The following DUSP16 variants were observed in gnomAD, a reference collection of about 807,000 sequenced individuals.
The protein encoded by DUSP16 is dual specificity protein phosphatase 16.
Under a neutral mutation model 58.3 loss-of-function variants are expected in DUSP16, and 21 were observed. The ratio of observed to expected loss-of-function variants is 0.36; its 90% CI spans 0.26 to 0.52. The LOEUF (loss-of-function observed/expected upper bound fraction) is 0.52, where lower values mean the gene tolerates loss of function less well. DUSP16 is among the 20% of genes least tolerant of loss of function. The probability of loss-of-function intolerance (pLI) is 0.94; values close to 1 mark genes in which losing one functional copy is unlikely to be tolerated. For missense variants in DUSP16, 726 were observed against 819.0 expected, an observed-to-expected ratio of 0.89 and a Z score of 1.39; for synonymous variants, 320 against 323.8, an observed-to-expected ratio of 0.99 and a Z score of 0.12.
chr12:12,481,780 C>T (rs746496792), intron 5 of DUSP16, among the ~76,000 whole-genome samples: 6 of 152,152 alleles, frequency 3.9e-5, no homozygotes, highest in Admixed American at 6.5e-5. Context: ...CATATAAACT[C>T]GTGTACACAG....
Position 12,519,932 on chromosome 12 carries a change from A to T in DUSP16, c.297T>A (p.Ser99=), listed in dbSNP as rs376258770. 1 of 1,613,922 alleles carries T rather than the reference A, an allele frequency of 6.2e-7. No homozygotes were observed. Among genetic ancestry groups the T allele is most frequent in the African/African-American group, 1.3e-5 (1 of 74,934 alleles). The part of the protein sequence containing the change: ...DQSSQDVASL[S]SDCFLTVLLG... ...GAAGTACAGTGAGAAAACAGTCTGAAGAGAGAGAGGCAACATCTTGGGAGC... is the reference window on the plus strand; with the variant it reads ...GAAGTACAGTGAGAAAACAGTCTGATGAGAGAGAGGCAACATCTTGGGAGC... The change falls in exon 3 of 7, where the codon TCT becomes TCA. Residue 99 remains serine, a synonymous_variant. Coordinates refer to ENST00000298573, the MANE Select transcript of DUSP16 (RefSeq NM_030640.3).
At chr12:12,523,250 G>A (rs142020202) in intron 1 of DUSP16, among the ~76,000 whole-genome samples, 2 of 152,072 alleles carry the variant, frequency 1.3e-5, no homozygotes, top group African/African-American at 2.4e-5. Context: ...TTTGGTCTGA[G>A]AACAAAATTA....
chr12:12,498,429 T>TATTTA (rs202108077), intron 4 of DUSP16, among the ~76,000 whole-genome samples: 1 of 151,242 alleles, frequency 6.6e-6, no homozygotes. Flanking sequence ...TTTATTTATT[T>TATTTA]TTTGAGATAG....
At chr12:12,521,947 GGTGTATAT>G (rs1944242982) in intron 1 of DUSP16, among the ~76,000 whole-genome samples, 1 of 152,150 alleles carries the variant, frequency 6.6e-6, no homozygotes, top group South Asian at 2.1e-4. Context: ...TGAATGGGTA[GGTGTATAT>G]GTGTGTATGT....
chr12:12,506,213 G>A (rs1943994910), intron 3 of DUSP16: 1 of 152,166 alleles, frequency 6.6e-6, no homozygotes, highest in Non-Finnish European at 1.5e-5. Flanking sequence ...ACTCAGTTTT[G>A]AAACATGCTT....
chr12:12,551,099 A>C (rs1944718308), intron 1 of DUSP16, among the ~76,000 whole-genome samples: 1 of 151,816 alleles, frequency 6.6e-6, no homozygotes, highest in Non-Finnish European at 1.5e-5. Context: ...TTCATAGGAC[A>C]CCATTTTTGC....
intron 1 of DUSP16, among the ~76,000 whole-genome samples, chr12:12,541,394 G>A (rs1944558479): frequency 6.6e-6 from 1 of 152,176 alleles, no homozygotes; most frequent in African/African-American, 2.4e-5. Flanking sequence ...AAGAGGTACA[G>A]GCCTTGACAA....
intron 1 of DUSP16, among the ~76,000 whole-genome samples, chr12:12,546,810 T>C (rs1310703022): frequency 2.0e-5 from 3 of 152,204 alleles, no homozygotes; most frequent in Non-Finnish European, 2.9e-5. Context: ...CATATGGCAA[T>C]AATATATAAC....
At chr12:12,478,409 T>C (rs1173507796) in intron 6 of DUSP16, among the ~76,000 whole-genome samples, 1 of 152,056 alleles carries the variant, frequency 6.6e-6, no homozygotes, top group African/African-American at 2.4e-5. Context: ...CATAGCTCAC[T>C]GCAGCCTCGA....
chr12:12,554,748 G>GT (rs1477950788), intron 1 of DUSP16: 5 of 151,704 alleles, frequency 3.3e-5, no homozygotes. Flanking sequence ...CATTATGGTT[G>GT]TAACTATTAA....
At chr12:12,483,975 TAAAA>T (rs1943628169) in intron 5 of DUSP16, among the ~76,000 whole-genome samples, 1 of 151,596 alleles carries the variant, frequency 6.6e-6, no homozygotes, top group Non-Finnish European at 1.5e-5. Flanking sequence ...TAATAATAAA[TAAAA>T]ATAAAAAAAT....
chr12:12,481,262 A>C (rs979850445), intron 5 of DUSP16, among the ~76,000 whole-genome samples: 1 of 152,190 alleles, frequency 6.6e-6, no homozygotes, highest in African/African-American at 2.4e-5. Flanking sequence ...AAGGAAATCC[A>C]AGCAGTGCTG....
chr12:12,517,743 T>C (rs866182837), intron 3 of DUSP16, among the ~76,000 whole-genome samples: 1 of 152,220 alleles, frequency 6.6e-6, no homozygotes, highest in Non-Finnish European at 1.5e-5. Flanking sequence ...CCTAAGCTAA[T>C]AGAAACACAG....
chr12:12,544,863 C>T (rs577018079), intron 1 of DUSP16, among the ~76,000 whole-genome samples: 13 of 152,136 alleles, frequency 8.5e-5, no homozygotes, highest in Non-Finnish European at 1.6e-4. Flanking sequence ...AGGCAATTGA[C>T]GTAGGATCAT....
At chr12:12,550,745 T>C (rs780783134) in intron 1 of DUSP16, among the ~76,000 whole-genome samples, 1 of 151,802 alleles carries the variant, frequency 6.6e-6, no homozygotes, top group East Asian at 1.9e-4. Context: ...CTGTTGGGGA[T>C]TGGGAGGATA....
chr12:12,490,149 C>T (rs1943741804), intron 4 of DUSP16, among the ~76,000 whole-genome samples: 1 of 152,142 alleles, frequency 6.6e-6, no homozygotes, highest in Non-Finnish European at 1.5e-5. Flanking sequence ...AACTTATGGC[C>T]TCAAGCGATC....
At chr12:12,482,888 T>C (rs1030586404) in intron 5 of DUSP16, among the ~76,000 whole-genome samples, 8 of 152,132 alleles carry the variant, frequency 5.3e-5, no homozygotes, top group Non-Finnish European at 1.2e-4. Context: ...TTTTTGAAAA[T>C]TTTTTGTAGA....
intron 1 of DUSP16, among the ~76,000 whole-genome samples, chr12:12,537,160 A>C (rs1256621947): frequency 6.6e-6 from 1 of 152,186 alleles, no homozygotes; most frequent in Non-Finnish European, 1.5e-5. Flanking sequence ...CCTATTTTAT[A>C]GATAACTTTC....
At chr12:12,499,303 T>C (rs985291506) in intron 4 of DUSP16, among the ~76,000 whole-genome samples, 5 of 152,156 alleles carry the variant, frequency 3.3e-5, no homozygotes, top group African/African-American at 7.2e-5. Flanking sequence ...TTCTGTAACA[T>C]AGCCTGCTTA....
Sources: gnomAD v4.1 joint callset for allele counts (sites outside exome capture counted in the v4.1 genomes callset) on GRCh38, gnomAD v4.1.1 for gene constraint, MANE v1.5 for transcripts, NCBI Gene and HGNC (gene_info 2026-07-23, HGNC 2026-07-21) for gene names.